Variants in TRPC4 observed in about 807,000 individuals in gnomAD.
TRPC4 encodes transient receptor potential cation channel subfamily C member 4.
In TRPC4, 49 loss-of-function variants were observed where a neutral mutation model predicts 99.4. That is an observed-to-expected ratio of 0.49 (90% confidence interval 0.39 to 0.63). The LOEUF is 0.63. Ranked by LOEUF, TRPC4 falls within the 20% of genes least tolerant of loss-of-function variation. The probability of loss-of-function intolerance (pLI) is 0.00; values close to 1 mark genes in which losing one functional copy is unlikely to be tolerated. For synonymous variants in TRPC4, 454 were observed against 425.9 expected, an observed-to-expected ratio of 1.07 and a Z score of -0.81; for missense variants, 898 against 1,152.9, an observed-to-expected ratio of 0.78 and a Z score of 3.20.
At chr13:37,834,401 A>G (rs1410436404) in intron 1 of TRPC4, among the ~76,000 whole-genome samples, 1 of 152,220 alleles carries the variant, frequency 6.6e-6, no homozygotes, top group Admixed American at 6.5e-5. Flanking sequence ...TTAAAGAATC[A>G]AAACTTTGCC....
intron 4 of TRPC4, among the ~76,000 whole-genome samples, chr13:37,691,680 ATTAT>A (rs1320069545): frequency 3.9e-5 from 6 of 152,216 alleles, no homozygotes; most frequent in Non-Finnish European, 8.8e-5. Flanking sequence ...TATTAGAATG[ATTAT>A]TTACATATAG....
chr13:37,811,864 A>G (rs1312833555), intron 1 of TRPC4, among the ~76,000 whole-genome samples: 1 of 151,992 alleles, frequency 6.6e-6, no homozygotes, highest in African/African-American at 2.4e-5. Flanking sequence ...GAAAATAAAT[A>G]TTTAATTCAA....
intron 3 of TRPC4, among the ~76,000 whole-genome samples, chr13:37,709,544 T>A (rs979247212): frequency 6.6e-6 from 1 of 151,994 alleles, no homozygotes; most frequent in Non-Finnish European, 1.5e-5. Context: ...TCCTCCTTCA[T>A]GCACACATTC....
chr13:37,670,599 T>C (rs999702779), intron 5 of TRPC4, among the ~76,000 whole-genome samples: 1 of 152,250 alleles, frequency 6.6e-6, no homozygotes, highest in African/African-American at 2.4e-5. Context: ...CAGATGTTAC[T>C]ACCTAAATTT....
rs1228745015 is a variant in TRPC4, at chr13:37,818,995, T to A, written c.-27-35635A>T. On this transcript the variant is annotated intron_variant, in intron 1 of 10. Coordinates refer to ENST00000379705, the MANE Select transcript of TRPC4 (RefSeq NM_016179.4). ...CAACAAGCATATGAAAAAAAATTTT[T>A]AAAAACCATTAATAATAGGAAAAGG... 2.6e-5 allele frequency among the ~76,000 whole-genome samples: 4 copies of A among 151,786 alleles called. 1 individual carries two copies. The South Asian group carries it at 8.3e-4, about 32-fold the overall frequency.
chr13:37,683,807 A>T (rs115610093), intron 4 of TRPC4, among the ~76,000 whole-genome samples: 3,748 of 152,290 alleles, frequency 0.025, 139 homozygotes, highest in African/African-American at 0.085. Context: ...TAAGAGATGG[A>T]CAATTCCAGA....
intron 1 of TRPC4, among the ~76,000 whole-genome samples, chr13:37,844,514 C>T (rs562935055): frequency 9.2e-5 from 14 of 152,198 alleles, no homozygotes; most frequent in South Asian, 2.1e-4. Context: ...AGGCTGGTCT[C>T]GAACTCCTGA....
chr13:37,656,510 T>A (rs1015272060), intron 6 of TRPC4, among the ~76,000 whole-genome samples: 3 of 152,112 alleles, frequency 2.0e-5, no homozygotes, highest in African/African-American at 7.2e-5. Context: ...CTCTGGAGCT[T>A]CTCACCCAAT....
intron 1 of TRPC4, among the ~76,000 whole-genome samples, chr13:37,821,749 T>G (rs1285597550): frequency 6.6e-6 from 1 of 152,210 alleles, no homozygotes; most frequent in Admixed American, 6.6e-5. Context: ...CTGGGATAAC[T>G]GGCTAGTCAT....
intron 1 of TRPC4, among the ~76,000 whole-genome samples, chr13:37,813,602 A>G (rs953861521): frequency 3.3e-5 from 5 of 151,932 alleles, no homozygotes; most frequent in Non-Finnish European, 7.4e-5. Context: ...GTACAACTGT[A>G]TGCCAACAAA....
At chr13:37,785,664 C>A (rs4258486) in intron 1 of TRPC4, among the ~76,000 whole-genome samples, 79,126 of 151,938 alleles carry the variant, frequency 0.52, 21,154 homozygotes, top group East Asian at 0.78. Flanking sequence ...AAGGTTAAGA[C>A]TCACGATAGA....
intron 2 of TRPC4, among the ~76,000 whole-genome samples, chr13:37,753,575 A>AAGAGAGAGAGAGAGAGAG (rs61394712): frequency 4.9e-4 from 67 of 137,308 alleles, no homozygotes; most frequent in South Asian, 4.6e-3. Context: ...GAGAGAGAGA[A>AAGAGAGAGAGAGAGAGAG]AGAGAGAGAG....
chr13:37,657,801 T>C (rs972661580), intron 6 of TRPC4, among the ~76,000 whole-genome samples: 3 of 152,156 alleles, frequency 2.0e-5, no homozygotes, highest in Non-Finnish European at 4.4e-5. Flanking sequence ...TATTGATGTT[T>C]AAAAAAATTT....
chr13:37,730,345 C>T (rs1298630968), intron 3 of TRPC4, among the ~76,000 whole-genome samples: 1 of 151,764 alleles, frequency 6.6e-6, no homozygotes, highest in African/African-American at 2.4e-5. Context: ...TTTTCAAGAG[C>T]TTGAAAACCC....
At chr13:37,691,506 G>A (rs575907075) in intron 4 of TRPC4, among the ~76,000 whole-genome samples, 17 of 152,056 alleles carry the variant, frequency 1.1e-4, no homozygotes, top group African/African-American at 1.9e-4. Flanking sequence ...AGAGAGTGGC[G>A]GATATCCTGT....
intron 3 of TRPC4, among the ~76,000 whole-genome samples, chr13:37,717,877 C>A (rs552796206): frequency 7.1e-4 from 108 of 152,132 alleles, no homozygotes; most frequent in African/African-American, 2.6e-3. Flanking sequence ...AAAAACTAAC[C>A]TTTAATTATA....
chr13:37,777,219 G>A (rs1315293534), intron 2 of TRPC4, among the ~76,000 whole-genome samples: 1 of 151,890 alleles, frequency 6.6e-6, no homozygotes, highest in Non-Finnish European at 1.5e-5. Context: ...AACTACCTGA[G>A]ACTGGGTAAT....
chr13:37,857,673 A>G (rs1959185038), intron 1 of TRPC4, among the ~76,000 whole-genome samples: 1 of 151,668 alleles, frequency 6.6e-6, no homozygotes, highest in Non-Finnish European at 1.5e-5. Flanking sequence ...GAGAAAGGAC[A>G]GTCTTTTCAA....
chr13:37,731,057 A>T (rs1383484486), intron 3 of TRPC4, among the ~76,000 whole-genome samples: 1 of 152,052 alleles, frequency 6.6e-6, no homozygotes, highest in Non-Finnish European at 1.5e-5. Flanking sequence ...TTAAGAAAAA[A>T]AATTCTATAT....
Sources: gnomAD v4.1 joint callset for allele counts (sites outside exome capture counted in the v4.1 genomes callset) on GRCh38, gnomAD v4.1.1 for gene constraint, MANE v1.5 for transcripts, NCBI Gene and HGNC (gene_info 2026-07-23, HGNC 2026-07-21) for gene names.